TGM3: variants seen among roughly 807,000 people sequenced by gnomAD.
The protein encoded by TGM3 is transglutaminase 3, also known as protein-glutamine gamma-glutamyltransferase E.
Under a neutral mutation model 73.8 loss-of-function variants are expected in TGM3, and 52 were observed. The observed-to-expected ratio is 0.70, with a 90% CI of 0.56 to 0.89. The LOEUF is 0.89. Among genes scored for constraint, TGM3 ranks in the 40% least tolerant of loss-of-function variants. TGM3 has a pLI of 0.00. For missense variants in TGM3, 928 were observed against 909.9 expected, an observed-to-expected ratio of 1.02 and a Z score of -0.26; for synonymous variants, 372 against 354.9, an observed-to-expected ratio of 1.05 and a Z score of -0.54.
chr20:2,313,729 A>G (rs2084219370), intron 5 of TGM3, among the ~76,000 whole-genome samples: 1 of 152,214 alleles, frequency 6.6e-6, no homozygotes, highest in Non-Finnish European at 1.5e-5. Context: ...CTCATTGTGT[A>G]GAGAATATCT....
rs2084336694 is a variant in TGM3, at chr20:2,334,366, A to C, written c.1643-750A>C. 2.6e-5 allele frequency among the ~76,000 whole-genome samples: 4 copies of C among 152,236 alleles called. No individual in the cohort carries two copies. The South Asian group carries it at 8.3e-4, about 32-fold the overall frequency. On this transcript the variant is annotated intron_variant, in intron 10 of 12. Transcript: ENST00000381458. The surrounding 1 kb of genome is among the most constrained non-coding windows in gnomAD (Gnocchi z 4.0). ...AGATTTTTGAAGTCACATGTGACAC[A>C]GAAGAAGAGTGATTTAGAAAACAAA...
chr20:2,317,583 A>T, intron 7 of TGM3, 98 bp downstream of exon 7: 1 of 1,516,246 alleles, frequency 6.6e-7, no homozygotes, highest in Non-Finnish European at 9.0e-7. Context: ...CAGGTGTTGC[A>T]AGGCAAGTAA....
chr20:2,307,904 A>G (rs2084183679), intron 1 of TGM3, among the ~76,000 whole-genome samples: 1 of 152,082 alleles, frequency 6.6e-6, no homozygotes, highest in South Asian at 2.1e-4. Flanking sequence ...ACAGTCAAGC[A>G]GTGTGCTAGG....
chr20:2,312,534 C>T (rs961401047), intron 4 of TGM3, among the ~76,000 whole-genome samples: 13 of 152,064 alleles, frequency 8.5e-5, no homozygotes, highest in African/African-American at 2.2e-4. Context: ...TTGTGGCAGC[C>T]GGGGCGTCGG....
rs1243007771 is a variant in TGM3 at position 2,332,926 on chromosome 20, G to T, written c.1642+616G>T. On this transcript the variant is annotated intron_variant, in intron 10 of 12. Transcript: ENST00000381458. This position sits in a 1 kb window ranked among gnomAD's most constrained non-coding sequence, Gnocchi z 4.4. ...TCCCACAGCTGCCACGGGGTGGGTG[G>T]ACCTTCTGGAATCCTGACAACAGTG... Among the ~76,000 whole-genome samples the T allele has an allele frequency of 6.6e-6, 1 of 152,206 alleles. No homozygotes were observed. Among genetic ancestry groups the T allele is most frequent in the Non-Finnish European group, 1.5e-5 (1 of 68,036 alleles).
intron 1 of TGM3, among the ~76,000 whole-genome samples, chr20:2,308,843 G>A (rs1189247892): frequency 2.6e-5 from 4 of 151,364 alleles, no homozygotes; most frequent in African/African-American, 9.7e-5. Context: ...GCCAAACCAC[G>A]GTGATGGGGG....
rs537535158 is a variant in TGM3 at position 2,330,636 on chromosome 20, C to T, written c.1334-1366C>T. Among the ~76,000 whole-genome samples the T allele has an allele frequency of 5.9e-5, 9 of 152,298 alleles. No individual in the cohort carries two copies. The East Asian group carries it at 9.6e-4, about 16-fold the overall frequency. ...AGGGCCTTAACTTGATAGGCATGGA[C>T]GAGTTGGCCTCTGAAGTCTCTGCAA... On this transcript the variant is annotated intron_variant, in intron 9 of 12. Transcript: ENST00000381458.
At chr20:2,322,175 GC>G (rs1364412502) in intron 7 of TGM3, among the ~76,000 whole-genome samples, 1 of 152,026 alleles carries the variant, frequency 6.6e-6, no homozygotes, top group Non-Finnish European at 1.5e-5. Context: ...TTTTTATGAT[GC>G]CCTTTTAAAA....
chr20:2,315,132 C>G (rs1027877017), intron 5 of TGM3, among the ~76,000 whole-genome samples: 3 of 152,192 alleles, frequency 2.0e-5, no homozygotes, highest in African/African-American at 7.2e-5. Context: ...GGCTGAGTCT[C>G]TTTGGCCTAG....
rs543295751 is a variant in TGM3 at position 2,339,396 on chromosome 20, G to A, written c.1801-458G>A. On this transcript the variant is annotated intron_variant, in intron 11 of 12. Transcript: ENST00000381458. ...TTACATCTGTAATCCCAGTGCTTTG[G>A]GAGGCCAAGGCAGGAAGATCACTTG... Among the ~76,000 whole-genome samples the A allele has an allele frequency of 8.5e-5, 13 of 152,332 alleles. 2 individuals are homozygous for A. The South Asian group carries it at 2.7e-3, about 32-fold the overall frequency.
At chr20:2,309,604 A>G in intron 1 of TGM3, 53 bp from the exon 2 acceptor site, 1 of 1,596,430 alleles carries the variant, frequency 6.3e-7, no homozygotes, top group East Asian at 2.2e-5. Flanking sequence ...CCCTTCCCCC[A>G]CACCACCATC....
chr20:2,337,671 GATCACACC>G (rs45506599), intron 11 of TGM3, among the ~76,000 whole-genome samples: 42,872 of 150,446 alleles, frequency 0.28, 6,378 homozygotes, highest in East Asian at 0.41. Context: ...AGTGAGCCGA[GATCACACC>G]ACTGCACTCC....
chr20:2,296,353 G>A (rs2084107224), intron 1 of TGM3, among the ~76,000 whole-genome samples: 1 of 152,190 alleles, frequency 6.6e-6, no homozygotes, highest in African/African-American at 2.4e-5. Context: ...CAGAGGACAA[G>A]CTTTGCCTTG....
intron 1 of TGM3, among the ~76,000 whole-genome samples, chr20:2,309,201 C>T (rs1232870238): frequency 6.6e-6 from 1 of 152,128 alleles, no homozygotes; most frequent in South Asian, 2.1e-4. Flanking sequence ...TCTGTTGGAG[C>T]CCCCATCCAC....
At chr20:2,319,127 C>T (rs1425496763) in intron 7 of TGM3, among the ~76,000 whole-genome samples, 1 of 152,190 alleles carries the variant, frequency 6.6e-6, no homozygotes, top group Admixed American at 6.5e-5. Context: ...TTTCCCTGGG[C>T]TTTTCTTTGT....
rs369644359 is a variant in TGM3, at chr20:2,328,307, C to T, written c.1275C>T (p.Thr425=). Residue 425 remains threonine, a synonymous_variant, in exon 9 of 13, where the codon ACC becomes ACT. Coordinates refer to ENST00000381458, the MANE Select transcript of TGM3 (RefSeq NM_003245.4). This position sits in a 1 kb window ranked among gnomAD's most constrained non-coding sequence, Gnocchi z 5.2. ...NSHTIGRYIS[T]KAVGSNARMD... ...ACACCATTGGCAGGTACATCAGCAC[C>T]AAGGCGGTGGGCAGCAATGCTCGCA... The T allele has an allele frequency of 2.5e-5, 40 of 1,613,994 alleles. No homozygotes were observed. The highest frequency in any genetic ancestry group is 3.3e-5 in the Non-Finnish European group (39 of 1,180,042).
At chr20:2,314,005 C>T (rs2084220667) in intron 5 of TGM3, among the ~76,000 whole-genome samples, 2 of 76,240 alleles carry the variant, frequency 2.6e-5, no homozygotes, top group African/African-American at 5.6e-5. Flanking sequence ...GTCTCTACAA[C>T]AACAACAAAA....
chr20:2,331,968 C>A (rs1329925163), intron 9 of TGM3, 34 bp from the exon 10 acceptor site: 1 of 1,568,454 alleles, frequency 6.4e-7, no homozygotes, highest in South Asian at 1.2e-5. Flanking sequence ...GCCATCACAT[C>A]CCTGGCATGT....
intron 1 of TGM3, among the ~76,000 whole-genome samples, chr20:2,299,104 C>G (rs1485951017): frequency 1.3e-5 from 2 of 152,144 alleles, no homozygotes; most frequent in African/African-American, 2.4e-5. Context: ...AGGCTCCACT[C>G]TGCCCCTTAC....
Sources: gnomAD v4.1 joint callset for allele counts (sites outside exome capture counted in the v4.1 genomes callset) on GRCh38, gnomAD v4.1.1 for gene constraint, Gnocchi (gnomAD v3.1) non-coding constraint, MANE v1.5 for transcripts, NCBI Gene and HGNC (gene_info 2026-07-23, HGNC 2026-07-21) for gene names.